The following SNAPIN variants were observed in gnomAD, a reference collection of about 807,000 sequenced individuals.
SNAPIN encodes SNAP associated protein.
Under a neutral mutation model 15.9 loss-of-function variants are expected in SNAPIN, and 16 were observed. That is an observed-to-expected ratio of 1.01 (90% CI 0.68 to 1.53). The LOEUF is 1.53. Among genes scored for constraint, SNAPIN ranks in the 40% most tolerant of loss-of-function variants. The probability of loss-of-function intolerance (pLI) is 0.00; values close to 1 mark genes in which losing one functional copy is unlikely to be tolerated. For missense variants in SNAPIN, 186 were observed against 180.1 expected (o/e 1.03, Z -0.19); for synonymous variants, 83 against 76.2 (o/e 1.09, Z -0.46).
intron 3 of SNAPIN, 102 bp from the exon 4 acceptor site, chr1:153,661,098 G>A (rs1229204788): frequency 1.2e-6 from 1 of 862,902 alleles, no homozygotes; most frequent in Non-Finnish European, 1.9e-6. Context: ...TTTGAAGACT[G>A]ACTTTGAGGT....
rs1282551795 is a variant in SNAPIN, at chr1:153,658,766, CTGTA to C, written c.25_28del (p.Val9ArgfsTer43). ...GTGATGGCGGGGGCTGGTTCCGCCG[CTGTA>C]TCGGGGGCAGGGACCCCGGTGGCGG... On this transcript the variant is annotated frameshift_variant, in exon 1 of 4. Coordinates refer to ENST00000368685, the MANE Select transcript of SNAPIN (RefSeq NM_012437.6). LOFTEE classifies it high-confidence loss of function. 1.3e-6 allele frequency: 2 copies of C among 1,570,622 alleles called. No homozygotes were observed. Among genetic ancestry groups the C allele is most frequent in the South Asian group, 2.3e-5 (2 of 85,750 alleles).
At chr1:153,660,445 T>C (rs1014070878) in intron 3 of SNAPIN, among the ~76,000 whole-genome samples, 9 of 151,218 alleles carry the variant, frequency 6.0e-5, no homozygotes, top group Admixed American at 5.9e-4. Context: ...GGTTGGGAGT[T>C]GGAGACCAGC....
chr1:153,658,904 T>TG lies in SNAPIN; in HGVS notation c.143+23dup, dbSNP rs775270085. On this transcript the variant is annotated intron_variant, in intron 1 of 3. Coordinates refer to ENST00000368685, the MANE Select transcript of SNAPIN (RefSeq NM_012437.6). ...GCCGTCAGGTGCCCGGGAGGGAAGT[T>TG]GGGGGCGGGGCCTGTCTCTCTGGCT... 6.2e-7 allele frequency: 1 copy of TG among 1,608,778 alleles called. No homozygotes were observed. The highest frequency in any genetic ancestry group is 8.5e-7 in the Non-Finnish European group (1 of 1,178,920).
In SNAPIN at chr1:153,661,604, C is replaced by CT. The variant is rs1669166017; in HGVS notation, c.*304dup. 4.6e-6 allele frequency: 1 copy of CT among 218,930 alleles called. No individual in the cohort carries two copies. Among genetic ancestry groups the CT allele is most frequent in the Non-Finnish European group, 9.5e-6 (1 of 105,500 alleles). The allele number at this position is 218,930 out of a possible 1,614,324, so 13.6% of individuals were successfully genotyped here. Reference sequence around the variant, plus strand: ...TACGTGAGGCTTACCTTCTTCAGGACTAGTTAACCAGAGGGGCTTCCTTTG... The same window carrying CT: ...TACGTGAGGCTTACCTTCTTCAGGACTTAGTTAACCAGAGGGGCTTCCTTTG... On this transcript the variant is annotated 3_prime_UTR_variant, in exon 4 of 4. Coordinates refer to ENST00000368685, the MANE Select transcript of SNAPIN (RefSeq NM_012437.6).
intron 2 of SNAPIN, 102 bp downstream of exon 2, chr1:153,659,286 C>T (rs559668206): frequency 7.3e-7 from 1 of 1,369,912 alleles, no homozygotes; most frequent in South Asian, 1.2e-5. Flanking sequence ...GCTTCCAGGG[C>T]ATCAGGGCTG....
chr1:153,658,820 C>T lies in SNAPIN; in HGVS notation c.77C>T (p.Ala26Val). The change falls in exon 1 of 4, where the codon GCC (alanine) becomes GTC (valine). Residue 26 changes from alanine (A) to valine (V), a missense_variant. Coordinates refer to ENST00000368685, the MANE Select transcript of SNAPIN (RefSeq NM_012437.6). Reference protein sequence around the residue: ...VAGPTGRDLFAEGLLEFLRPA... With the variant: ...VAGPTGRDLFVEGLLEFLRPA... ...GGGCCCACAGGCCGCGACCTTTTCG[C>T]CGAAGGGCTGCTGGAGTTCCTGCGA... The T allele has an allele frequency of 1.9e-6, 3 of 1,596,666 alleles. No individual in the cohort carries two copies. Among genetic ancestry groups the T allele is most frequent in the African/African-American group, 2.7e-5 (2 of 73,788 alleles).
intron 2 of SNAPIN, 28 bp from the exon 3 acceptor site, chr1:153,659,420 C>A: frequency 1.9e-6 from 3 of 1,566,010 alleles, no homozygotes; most frequent in Non-Finnish European, 2.6e-6. Flanking sequence ...GCCGTTAGAT[C>A]TTAGCTGCAC....
rs993577266 is a variant in SNAPIN at position 153,660,674 on chromosome 1, G to C, written c.310-526G>C. Among the ~76,000 whole-genome samples, 23 of 120,710 alleles carry C rather than the reference G, an allele frequency of 1.9e-4. No homozygotes were observed. In the East Asian group the frequency reaches 4.9e-3, roughly 26 times the overall value. 79.2% of individuals were successfully genotyped at this position (120,710 alleles called of 152,430 possible). On this transcript the variant is annotated intron_variant, in intron 3 of 3. Coordinates refer to ENST00000368685, the MANE Select transcript of SNAPIN (RefSeq NM_012437.6). ...GGGAAAAAAAAAAAAAAAAAAAAAAGACAGGCTATCACTATGGTGCCCAGG... is the reference window on the plus strand; with the variant it reads ...GGGAAAAAAAAAAAAAAAAAAAAAACACAGGCTATCACTATGGTGCCCAGG...
At position 153,661,584 on chromosome 1, in the gene SNAPIN, G is replaced by A. The variant is rs530242415; in HGVS notation, c.*283G>A. 4.1e-5 allele frequency: 10 copies of A among 243,670 alleles called. No homozygotes were observed. The highest frequency in any genetic ancestry group is 2.0e-4 in the African/African-American group (9 of 45,368). The allele number at this position is 243,670 out of a possible 1,614,324, so 15.1% of individuals were successfully genotyped here. ...ACTTTTTTTTTTAAGCTGCATACGT[G>A]AGGCTTACCTTCTTCAGGACTAGTT... is the stretch of plus-strand genomic sequence containing the variant. On this transcript the variant is annotated 3_prime_UTR_variant, in exon 4 of 4. Coordinates refer to ENST00000368685, the MANE Select transcript of SNAPIN (RefSeq NM_012437.6).
intron 3 of SNAPIN, among the ~76,000 whole-genome samples, chr1:153,660,786 A>G (rs964032646): frequency 3.8e-4 from 52 of 137,584 alleles, no homozygotes; most frequent in African/African-American, 1.4e-3. Flanking sequence ...CCTGGCCTAC[A>G]TTTTTTTTTT....
At position 153,658,835 on chromosome 1, in the gene SNAPIN, A is replaced by C; in HGVS notation, c.92A>C (p.Glu31Ala). ...GRDLFAEGLL[E>A]FLRPAVQQLD... ...GACCTTTTCGCCGAAGGGCTGCTGGAGTTCCTGCGACCCGCTGTGCAGCAG... is the reference window on the plus strand; with the variant it reads ...GACCTTTTCGCCGAAGGGCTGCTGGCGTTCCTGCGACCCGCTGTGCAGCAG... The change falls in exon 1 of 4, where the codon GAG (glutamate) becomes GCG (alanine). Residue 31 changes from glutamate to alanine, a missense_variant. Physicochemically the swap from Glu to Ala is moderately radical, Grantham distance 107. Transcript: ENST00000368685. The C allele has an allele frequency of 6.2e-7, 1 of 1,601,012 alleles. No homozygotes were observed. The highest frequency in any genetic ancestry group is 8.5e-7 in the Non-Finnish European group (1 of 1,176,942).
chr1:153,658,655 G>A (rs1486664087), upstream of SNAPIN: 29 of 1,394,836 alleles, frequency 2.1e-5, no homozygotes, highest in South Asian at 2.6e-4. Flanking sequence ...AGCATTTCCC[G>A]GGCGCCCCCT....
Position 153,661,252 on chromosome 1 carries a change from G to A in SNAPIN, c.362G>A (p.Arg121Lys), listed in dbSNP as rs1669149938. 4 of 1,613,810 alleles carry A rather than the reference G, an allele frequency of 2.5e-6. No homozygotes were observed. Among genetic ancestry groups the A allele is most frequent in the Non-Finnish European group, 3.4e-6 (4 of 1,179,804 alleles). Residue 121 changes from arginine to lysine, a missense_variant, in exon 4 of 4, where the codon AGA becomes AAA. Transcript: ENST00000368685. ...GTTGCCAAGGAAACAGCCCGCAGGA[G>A]AGCAATGCTGGATTCGGGAATTTAC... ...HSVAKETARR[R>K]AMLDSGIYPP...
In SNAPIN at chr1:153,661,601, G is replaced by T; in HGVS notation, c.*300G>T. 1 of 223,074 alleles carries T rather than the reference G, an allele frequency of 4.5e-6. No homozygotes were observed. Among genetic ancestry groups the T allele is most frequent in the Non-Finnish European group, 9.3e-6 (1 of 107,846 alleles). 13.8% of individuals were successfully genotyped at this position (223,074 alleles called of 1,614,324 possible). ...GCATACGTGAGGCTTACCTTCTTCA[G>T]GACTAGTTAACCAGAGGGGCTTCCT... On this transcript the variant is annotated 3_prime_UTR_variant, in exon 4 of 4. Transcript: ENST00000368685.
upstream of SNAPIN, chr1:153,658,687 G>T (rs1669070104): frequency 4.7e-6 from 7 of 1,474,574 alleles, no homozygotes; most frequent in Non-Finnish European, 6.2e-6. Context: ...GCAGTGCGGC[G>T]CGGCTCCGGT....
intron 1 of SNAPIN, 35 bp from the exon 2 acceptor site, chr1:153,659,103 C>T (rs376252708): frequency 6.2e-7 from 1 of 1,612,538 alleles, no homozygotes; most frequent in African/African-American, 1.3e-5. Context: ...GCTCCGGTAA[C>T]TGCCTGACCT....
intron 2 of SNAPIN, 46 bp downstream of exon 2, chr1:153,659,230 A>G (rs999737758): frequency 8.7e-6 from 14 of 1,603,626 alleles, no homozygotes; most frequent in Non-Finnish European, 1.1e-5. Context: ...GCCCACTTTC[A>G]GGACCTTAGG....
At chr1:153,660,768 G>A (rs2101709076) in intron 3 of SNAPIN, among the ~76,000 whole-genome samples, 1 of 148,218 alleles carries the variant, frequency 6.7e-6, no homozygotes, top group African/African-American at 2.5e-5. Flanking sequence ...ATAGGCATGA[G>A]CACCATGCCT....
intron 3 of SNAPIN, among the ~76,000 whole-genome samples, chr1:153,660,265 C>T (rs1669113181): frequency 6.6e-6 from 1 of 152,028 alleles, no homozygotes; most frequent in African/African-American, 2.4e-5. Flanking sequence ...GCGAGTGATC[C>T]ACCTGCCTGG....
Sources: gnomAD v4.1 joint callset for allele counts (sites outside exome capture counted in the v4.1 genomes callset) on GRCh38, gnomAD v4.1.1 for gene constraint, MANE v1.5 for transcripts, NCBI Gene and HGNC (gene_info 2026-07-23, HGNC 2026-07-21) for gene names.